GALNT9: variants seen among roughly 807,000 people sequenced by gnomAD.
GALNT9 encodes the protein polypeptide N-acetylgalactosaminyltransferase 9, also known as GalNAc transferase 9.
A neutral mutation model predicts 63.1 loss-of-function variants in GALNT9; 47 were observed. The observed-to-expected ratio is 0.75, with a 90% CI of 0.59 to 0.95. GALNT9 has a LOEUF of 0.95. GALNT9 is among the 40% of genes least tolerant of loss of function. GALNT9 has a pLI of 0.00. For missense variants in GALNT9, 829 were observed against 874.8 expected (o/e 0.95, Z 0.66); for synonymous variants, 396 against 365.7 (o/e 1.08, Z -0.94).
chr12:132,210,857 C>A (rs1017064788), intron 6 of GALNT9, among the ~76,000 whole-genome samples: 13 of 149,500 alleles, frequency 8.7e-5, no homozygotes, highest in Admixed American at 4.0e-4. Context: ...CGCCGTCTGG[C>A]GGTTGCCATC....
At chr12:132,205,764 G>C (rs559860210) in intron 6 of GALNT9, 1 of 152,326 alleles carries the variant, frequency 6.6e-6, no homozygotes, top group East Asian at 1.9e-4. Context: ...CCCCTGAGCC[G>C]GGGCTTCCTT....
Position 132,260,994 on chromosome 12 carries a change from G to A in GALNT9, c.715C>T (p.Pro239Ser). Reference sequence around the variant, plus strand: ...TGGGCATCAAAGAAGCCGACGACTGGGGCGGTGGCCGCCTTCCAGCCCTGC... The same window carrying A: ...TGGGCATCAAAGAAGCCGACGACTGAGGCGGTGGCCGCCTTCCAGCCCTGC... ...RLQGWKAATA[P>S]VVGFFDAHVE... The change falls in exon 4 of 11, where the codon CCA (proline) becomes TCA (serine). Residue 239 changes from proline (P) to serine (S), a missense_variant. Transcript: ENST00000328957. 2 of 1,549,028 alleles carry A rather than the reference G, an allele frequency of 1.3e-6. No homozygotes were observed. The highest frequency in any genetic ancestry group is 1.7e-6 in the Non-Finnish European group (2 of 1,146,268).
intron 6 of GALNT9, among the ~76,000 whole-genome samples, chr12:132,211,257 A>G (rs1876946300): frequency 6.6e-6 from 1 of 152,184 alleles, no homozygotes; most frequent in Non-Finnish European, 1.5e-5. Context: ...GCTTTCCAAG[A>G]GTTTGTCAAA....
At chr12:132,204,293 C>T (rs113167382) in intron 6 of GALNT9, among the ~76,000 whole-genome samples, 1 of 152,240 alleles carries the variant, frequency 6.6e-6, no homozygotes, top group Non-Finnish European at 1.5e-5. Flanking sequence ...TACCAGCCTT[C>T]CTATACGTGC....
intron 6 of GALNT9, among the ~76,000 whole-genome samples, chr12:132,208,654 C>T (rs1274275846): frequency 1.3e-5 from 2 of 152,226 alleles, no homozygotes; most frequent in African/African-American, 2.4e-5. Context: ...GCCAACCCCG[C>T]TCACCTGGCT....
chr12:132,251,360 CG>C (rs1941401152), intron 5 of GALNT9, among the ~76,000 whole-genome samples: 1 of 152,200 alleles, frequency 6.6e-6, no homozygotes, highest in Non-Finnish European at 1.5e-5. Context: ...TTCACGACGC[CG>C]GTTACGGGGC....
intron 6 of GALNT9, among the ~76,000 whole-genome samples, chr12:132,244,738 T>G (rs1187008639): frequency 7.1e-5 from 2 of 28,318 alleles, no homozygotes; most frequent in Non-Finnish European, 1.2e-4. Context: ...TGGGGGGGCG[T>G]GGTGATGGGG....
intron 1 of GALNT9, among the ~76,000 whole-genome samples, chr12:132,320,589 G>A (rs1324115631): frequency 6.6e-6 from 1 of 152,286 alleles, no homozygotes; most frequent in Non-Finnish European, 1.5e-5. Context: ...ATGCTGCATT[G>A]AGAGTATGGC....
chr12:132,208,068 G>A (rs182780789), intron 6 of GALNT9, among the ~76,000 whole-genome samples: 13 of 152,316 alleles, frequency 8.5e-5, no homozygotes, highest in African/African-American at 1.9e-4. Context: ...CGCGCTCCCC[G>A]GGAGATTGAT....
At chr12:132,262,888 C>T (rs538226202) in intron 2 of GALNT9, among the ~76,000 whole-genome samples, 58 of 152,226 alleles carry the variant, frequency 3.8e-4, no homozygotes, top group Non-Finnish European at 6.8e-4. Context: ...TACAACCAGA[C>T]GCCAAGGGTG....
rs1322497076 is a variant in GALNT9 at position 132,225,301 on chromosome 12, C to T, written c.1078-21611G>A. Among the ~76,000 whole-genome samples, 589 of 141,924 alleles carry T rather than the reference C, an allele frequency of 4.2e-3. 3 individuals are homozygous for T. The highest frequency in any genetic ancestry group is 7.5e-3 in the Non-Finnish European group (488 of 64,670). 93.1% of individuals were successfully genotyped at this position (141,924 alleles called of 152,430 possible). A position where few individuals can be genotyped will look rare whatever the true frequency, so the allele number is the denominator to read the frequency against. ...CCACCCCACACTACATACACACCAC[C>T]CCCACACAACCCACATGCCACACAC... On this transcript the variant is annotated intron_variant, in intron 6 of 10. Transcript: ENST00000328957.
intron 6 of GALNT9, among the ~76,000 whole-genome samples, chr12:132,215,165 G>A (rs567788106): frequency 6.6e-6 from 1 of 152,186 alleles, no homozygotes; most frequent in African/African-American, 2.4e-5. Context: ...CTTTGTGGCC[G>A]CTTCGGCAGA....
chr12:132,225,441 ACAC>A (rs1332314195), intron 6 of GALNT9, among the ~76,000 whole-genome samples: 4 of 145,848 alleles, frequency 2.7e-5, no homozygotes, highest in African/African-American at 7.7e-5. Context: ...CCCCACACAC[ACAC>A]CACACAACTG....
At chr12:132,199,336 C>T in intron 8 of GALNT9, 67 bp from the exon 9 acceptor site, 1 of 1,148,436 alleles carries the variant, frequency 8.7e-7, no homozygotes, top group Non-Finnish European at 1.3e-6. Flanking sequence ...GAGCTTCACG[C>T]AGCCAGCTCT....
At chr12:132,230,539 C>T (rs1463075228) in intron 6 of GALNT9, among the ~76,000 whole-genome samples, 1 of 151,616 alleles carries the variant, frequency 6.6e-6, no homozygotes, top group African/African-American at 2.4e-5. Context: ...CGCTGCCTGG[C>T]CCTCGTGGCG....
At chr12:132,220,349 G>GA (rs1262351369) in intron 6 of GALNT9, among the ~76,000 whole-genome samples, 1 of 152,154 alleles carries the variant, frequency 6.6e-6, no homozygotes, top group Non-Finnish European at 1.5e-5. Flanking sequence ...CAAAGAGACA[G>GA]AAAAAGAGAG....
chr12:132,213,012 C>G (rs1210907148), intron 6 of GALNT9, among the ~76,000 whole-genome samples: 14 of 148,132 alleles, frequency 9.5e-5, no homozygotes, highest in Non-Finnish European at 1.8e-4. Flanking sequence ...ACACGGAAAC[C>G]CCACCCGAGT....
At chr12:132,295,353 A>C (rs558330206) in intron 1 of GALNT9, among the ~76,000 whole-genome samples, 1 of 152,374 alleles carries the variant, frequency 6.6e-6, no homozygotes, top group Admixed American at 6.5e-5. Flanking sequence ...CCGAGAGCCA[A>C]AGTCTGTGCA....
chr12:132,228,333 GGCGGCCC>G (rs1877773355), intron 6 of GALNT9, among the ~76,000 whole-genome samples: 1 of 148,632 alleles, frequency 6.7e-6, no homozygotes, highest in African/African-American at 2.5e-5. Context: ...TGGGTGGCGG[GGCGGCCC>G]GTCAGCACCT....
Sources: allele counts gnomAD v4.1 joint callset (sites outside exome capture counted in the v4.1 genomes callset), GRCh38; gene constraint gnomAD v4.1.1; transcripts MANE v1.5; gene names NCBI Gene and HGNC (gene_info 2026-07-23, HGNC 2026-07-21).